PDCD7: variants seen among roughly 807,000 people sequenced by gnomAD.
PDCD7 encodes the protein programmed cell death 7.
In PDCD7, 40 loss-of-function variants were observed where a neutral mutation model predicts 42.1. That is an observed-to-expected ratio of 0.95 (90% CI 0.74 to 1.24). The LOEUF (loss-of-function observed/expected upper bound fraction) is 1.24. Among genes scored for constraint, PDCD7 ranks in the 50% most tolerant of loss-of-function variants. PDCD7 has a pLI of 0.00. For missense variants in PDCD7, 644 were observed against 662.8 expected (o/e 0.97, Z 0.31); for synonymous variants, 299 against 303.3 (o/e 0.99, Z 0.15).
intron 2 of PDCD7, among the ~76,000 whole-genome samples, chr15:65,126,790 CACTT>C (rs1243018850): frequency 6.6e-6 from 1 of 150,492 alleles, no homozygotes; most frequent in East Asian, 1.9e-4. Flanking sequence ...AAGCTATCTT[CACTT>C]ATTCAGTAGA....
At chr15:65,127,944 C>T (rs1223558609) in intron 2 of PDCD7, among the ~76,000 whole-genome samples, 1 of 152,134 alleles carries the variant, frequency 6.6e-6, no homozygotes, top group Non-Finnish European at 1.5e-5. Flanking sequence ...TTTACAAATG[C>T]CCTGAGAGTA....
At chr15:65,119,520 T>G in intron 3 of PDCD7, 57 bp from the exon 4 acceptor site, 1 of 1,369,152 alleles carries the variant, frequency 7.3e-7, no homozygotes, top group Non-Finnish European at 1.0e-6. Flanking sequence ...AGTGTATTTC[T>G]CAAGGCAAGG....
In PDCD7 at chr15:65,118,652, G is replaced by A. The variant is rs117312232; in HGVS notation, c.*65C>T. On this transcript the variant is annotated 3_prime_UTR_variant, in exon 5 of 5. Transcript: ENST00000204549. ...GCAGTTTAGTCTACAGCAAAAGATGGCACCATCGCTAATATTTACAGCTGG... is the reference window on the plus strand; with the variant it reads ...GCAGTTTAGTCTACAGCAAAAGATGACACCATCGCTAATATTTACAGCTGG... 2,356 of 1,470,200 alleles carry A rather than the reference G, an allele frequency of 1.6e-3. 1 individual carries two copies. The highest frequency in any genetic ancestry group is 1.9e-3 in the Non-Finnish European group (2,048 of 1,102,574). 91.1% of individuals were successfully genotyped at this position (1,470,200 alleles called of 1,614,324 possible).
chr15:65,122,975 C>T (rs1052644905), intron 2 of PDCD7, among the ~76,000 whole-genome samples: 1 of 151,252 alleles, frequency 6.6e-6, no homozygotes. Context: ...GCACTCCAGC[C>T]TGGGCAACAA....
intron 2 of PDCD7, among the ~76,000 whole-genome samples, chr15:65,125,354 A>G (rs1461976831): frequency 6.6e-6 from 1 of 152,142 alleles, no homozygotes; most frequent in Non-Finnish European, 1.5e-5. Context: ...ACCCAAAGAC[A>G]CACAACACCC....
intron 2 of PDCD7, among the ~76,000 whole-genome samples, chr15:65,127,446 A>G (rs1456628743): frequency 6.8e-6 from 1 of 148,128 alleles, no homozygotes; most frequent in African/African-American, 2.5e-5. Flanking sequence ...CCTGGGCGAC[A>G]GAGCGAGACT....
At chr15:65,119,489 G>T in intron 3 of PDCD7, 26 bp from the exon 4 acceptor site, 1 of 1,509,158 alleles carries the variant, frequency 6.6e-7, no homozygotes. Context: ...ACAATACCAC[G>T]TTATCATGCT....
At chr15:65,131,979 T>C (rs1216480636) in intron 1 of PDCD7, among the ~76,000 whole-genome samples, 1 of 151,880 alleles carries the variant, frequency 6.6e-6, no homozygotes, top group Non-Finnish European at 1.5e-5. Flanking sequence ...AAGGCTGTTA[T>C]AAAGATTCAA....
chr15:65,132,904 G>T lies in PDCD7; in HGVS notation c.870+8C>A. ...ACTCCTACCCCCATGAGCGGCCGCTGCTCTCACCCGCTTCTTCTCCTCCAC... is the reference window on the plus strand; with the variant it reads ...ACTCCTACCCCCATGAGCGGCCGCTTCTCTCACCCGCTTCTTCTCCTCCAC... On this transcript the variant is annotated splice_region_variant and intron_variant, in intron 1 of 4. Transcript: ENST00000204549. The T allele has an allele frequency of 6.2e-7, 1 of 1,602,160 alleles. No homozygotes were observed.
chr15:65,124,040 G>A (rs2087476954), intron 2 of PDCD7, among the ~76,000 whole-genome samples: 1 of 152,104 alleles, frequency 6.6e-6, no homozygotes, highest in Non-Finnish European at 1.5e-5. Flanking sequence ...ATGAAGAGAT[G>A]TAGGCTGCTG....
Position 65,132,897 on chromosome 15 carries a change from G to C in PDCD7, c.870+15C>G. ...CACCACCACTCCTACCCCCATGAGC[G>C]GCCGCTGCTCTCACCCGCTTCTTCT... is the stretch of plus-strand genomic sequence containing the variant. On this transcript the variant is annotated intron_variant, in intron 1 of 4. Transcript: ENST00000204549. 3.1e-6 allele frequency: 5 copies of C among 1,601,174 alleles called. No individual in the cohort carries two copies. Among genetic ancestry groups the C allele is most frequent in the South Asian group, 1.1e-5 (1 of 91,024 alleles).
At position 65,118,539 on chromosome 15, in the gene PDCD7, T is replaced by G. The variant is rs1040908014; in HGVS notation, c.*178A>C. ...CCTTTCCTGAAAAACCACATTAATC[T>G]GATTCAAGAGGCACCTCTGGCCAGC... is the stretch of plus-strand genomic sequence containing the variant. On this transcript the variant is annotated 3_prime_UTR_variant, in exon 5 of 5. Coordinates refer to ENST00000204549, the MANE Select transcript of PDCD7 (RefSeq NM_005707.2). 3.8e-6 allele frequency: 2 copies of G among 529,126 alleles called. No individual in the cohort carries two copies. The highest frequency in any genetic ancestry group is 6.0e-6 in the Non-Finnish European group (2 of 335,388). 32.8% of individuals were successfully genotyped at this position (529,126 alleles called of 1,614,324 possible).
At chr15:65,121,053 C>CTTTTTTTTT (rs767625477) in intron 2 of PDCD7, among the ~76,000 whole-genome samples, 2 of 130,156 alleles carry the variant, frequency 1.5e-5, no homozygotes, top group Non-Finnish European at 1.7e-5. Context: ...GACTTTCTTT[C>CTTTTTTTTT]TTTTTTTTTT....
chr15:65,129,915 ATTTTTTT>A (rs746709395), intron 1 of PDCD7, among the ~76,000 whole-genome samples: 18 of 84,958 alleles, frequency 2.1e-4, no homozygotes, highest in East Asian at 1.4e-3. Context: ...GAAACTTTGT[ATTTTTTT>A]TTTTTTTTTT....
intron 2 of PDCD7, among the ~76,000 whole-genome samples, chr15:65,126,158 T>C (rs1055070598): frequency 3.9e-5 from 6 of 152,198 alleles, no homozygotes; most frequent in African/African-American, 1.2e-4. Flanking sequence ...ACAATCTCTC[T>C]CTAAGCACTT....
In PDCD7 at chr15:65,117,543, T is replaced by C. The variant is rs1324091992; in HGVS notation, c.*1174A>G. 3 of 151,988 alleles carry C rather than the reference T, an allele frequency of 2.0e-5. No individual in the cohort carries two copies. Among genetic ancestry groups the C allele is most frequent in the Admixed American group, 1.3e-4 (2 of 15,264 alleles). The allele number at this position is 151,988 out of a possible 1,614,324, so 9.4% of individuals were successfully genotyped here. A position where few individuals can be genotyped will look rare whatever the true frequency, so the allele number is the denominator to read the frequency against. ...ATAAAAAATAAATTTTACTTTTTTT[T>C]TTTTTGAGACGGAGTCTTGCTCTGT... On this transcript the variant is annotated 3_prime_UTR_variant, in exon 5 of 5. Transcript: ENST00000204549.
Position 65,119,443 on chromosome 15 carries a change from G to C in PDCD7, c.1267C>G (p.Leu423Val). The C allele has an allele frequency of 6.2e-7, 1 of 1,613,572 alleles. No individual in the cohort carries two copies. Among genetic ancestry groups the C allele is most frequent in the Admixed American group, 1.7e-5 (1 of 60,016 alleles). ...GDPDEFPLAH[L>V]LEPFRQYYLQ... is the part of the protein sequence containing the mutation. ...TAATACTGTCGGAAAGGCTCCAAGA[G>C]GTGAGCAAGTGGGAACTCATCTGAA... Residue 423 changes from leucine to valine, a missense_variant, in exon 4 of 5, where the codon CTC (leucine) becomes GTC (valine). By Grantham distance (32) the Leu-to-Val change is conservative. Coordinates refer to ENST00000204549, the MANE Select transcript of PDCD7 (RefSeq NM_005707.2).
intron 1 of PDCD7, 30 bp from the exon 2 acceptor site, chr15:65,129,200 C>G (rs371573467): frequency 6.2e-7 from 1 of 1,610,574 alleles, no homozygotes; most frequent in African/African-American, 1.3e-5. Flanking sequence ...CATGAGACCT[C>G]GTATTAGGAA....
intron 2 of PDCD7, among the ~76,000 whole-genome samples, chr15:65,127,381 C>T (rs998958958): frequency 6.7e-5 from 10 of 148,680 alleles, no homozygotes; most frequent in Non-Finnish European, 1.0e-4. Context: ...GGCGTGAACC[C>T]GGGAAGCGGA....
Sources: gnomAD v4.1 joint callset for allele counts (sites outside exome capture counted in the v4.1 genomes callset) on GRCh38, gnomAD v4.1.1 for gene constraint, MANE v1.5 for transcripts, NCBI Gene and HGNC (gene_info 2026-07-23, HGNC 2026-07-21) for gene names.